The following TTC3 variants were observed in gnomAD, a reference collection of about 807,000 sequenced individuals.
The protein encoded by TTC3 is tetratricopeptide repeat domain 3, also known as E3 ubiquitin-protein ligase TTC3.
Under a neutral mutation model 249.6 loss-of-function variants are expected in TTC3, and 180 were observed. The observed-to-expected ratio is 0.72, with a 90% CI of 0.64 to 0.82. The LOEUF (loss-of-function observed/expected upper bound fraction) is 0.82. TTC3 is among the 40% of genes least tolerant of loss of function. The pLI is 0.00. For synonymous variants in TTC3, 717 were observed against 805.0 expected (o/e 0.89, Z 1.85); for missense variants, 2,061 against 2,398.4 (o/e 0.86, Z 2.94).
chr21:37,181,765 A>T (rs544807462), intron 35 of TTC3, among the ~76,000 whole-genome samples: 1 of 152,144 alleles, frequency 6.6e-6, no homozygotes, highest in Non-Finnish European at 1.5e-5. Flanking sequence ...GTGGTCTCTT[A>T]AGTTGATAGA....
chr21:37,130,478 A>G (rs999998844), intron 16 of TTC3, among the ~76,000 whole-genome samples: 1 of 152,134 alleles, frequency 6.6e-6, no homozygotes, highest in African/African-American at 2.4e-5. Context: ...ATATGGGACT[A>G]TTTCTTCATT....
intron 10 of TTC3, among the ~76,000 whole-genome samples, chr21:37,104,355 C>G (rs1161135474): frequency 6.6e-6 from 1 of 151,894 alleles, no homozygotes; most frequent in African/African-American, 2.4e-5. Context: ...TTTGGGAGGC[C>G]GAGGTGGGAG....
At chr21:37,202,331 A>T (rs1046990896) in exon 46 of TTC3, 1 of 152,248 alleles carries the variant, frequency 6.6e-6, no homozygotes. Context: ...TGTGTCCGTC[A>T]TCCCAGCCCC....
intron 11 of TTC3, among the ~76,000 whole-genome samples, chr21:37,110,525 C>G (rs1258858123): frequency 6.6e-6 from 1 of 152,060 alleles, no homozygotes; most frequent in Non-Finnish European, 1.5e-5. Context: ...TAAAAAGAAA[C>G]AAACAAAGCC....
At chr21:37,153,790 C>T (rs1053836765) in intron 27 of TTC3, among the ~76,000 whole-genome samples, 1 of 152,112 alleles carries the variant, frequency 6.6e-6, no homozygotes, top group Non-Finnish European at 1.5e-5. Flanking sequence ...GTTGAGAAGA[C>T]AAATCTATAA....
intron 34 of TTC3, among the ~76,000 whole-genome samples, chr21:37,170,031 A>C (rs114187918): frequency 6.6e-6 from 1 of 152,178 alleles, no homozygotes; most frequent in South Asian, 2.1e-4. Context: ...AAATGGACCT[A>C]TAAAAGTATC....
chr21:37,176,135 CCCTAA>C (rs1333246860), intron 35 of TTC3, among the ~76,000 whole-genome samples: 1 of 152,132 alleles, frequency 6.6e-6, no homozygotes, highest in Non-Finnish European at 1.5e-5. Context: ...TTTTATTGTA[CCCTAA>C]CCTATGACTG....
At chr21:37,141,412 T>TCC (rs144048156) in intron 20 of TTC3, among the ~76,000 whole-genome samples, 47,535 of 150,448 alleles carry the variant, frequency 0.32, 7,815 homozygotes, top group East Asian at 0.5. Context: ...TTTTGGGGAA[T>TCC]CCCCCCCCCA....
chr21:37,106,811 C>T (rs960366007), intron 10 of TTC3, among the ~76,000 whole-genome samples: 10 of 152,094 alleles, frequency 6.6e-5, no homozygotes, highest in Non-Finnish European at 7.4e-5. Context: ...GTGGGAGGAG[C>T]GCTTGAGCCT....
intron 28 of TTC3, chr21:37,159,482 G>T (rs1285138687): frequency 1.1e-5 from 6 of 549,778 alleles, no homozygotes; most frequent in Admixed American, 3.4e-5. Flanking sequence ...TCAACATTAT[G>T]CTGAATCAGA....
chr21:37,098,223 A>C (rs569957414), intron 10 of TTC3: 1 of 285,712 alleles, frequency 3.5e-6, no homozygotes, highest in Middle Eastern at 6.9e-4. Flanking sequence ...GTGAATTTGT[A>C]TGCTTTCAAG....
In TTC3 at chr21:37,090,240, C is replaced by A. The variant is rs767847774; in HGVS notation, c.434C>A (p.Ser145Ter). 1.9e-6 allele frequency: 3 copies of A among 1,599,050 alleles called. No homozygotes were observed. Among genetic ancestry groups the A allele is most frequent in the South Asian group, 1.1e-5 (1 of 87,924 alleles). Residue 145 changes from serine (S) to a stop codon, truncating the protein, a stop_gained, in exon 6 of 46, where the codon TCA becomes TAA. Coordinates refer to ENST00000355666, the Ensembl canonical transcript of TTC3. LOFTEE classifies it high-confidence loss of function. The stretch of plus-strand genomic sequence containing the variant: ...CCTTTTTTTATTTTTCAGAATGATT[C>A]ATTCCTTATTGGAGGCTTATTGAGA...
At chr21:37,088,419 T>A in intron 4 of TTC3, 73 bp downstream of exon 4, 1 of 1,521,382 alleles carries the variant, frequency 6.6e-7, no homozygotes, top group Non-Finnish European at 8.9e-7. Flanking sequence ...AAATGCAAGT[T>A]CAATGGAAGG....
intron 35 of TTC3, among the ~76,000 whole-genome samples, chr21:37,178,021 A>G (rs1184338690): frequency 6.6e-6 from 1 of 152,156 alleles, no homozygotes; most frequent in Non-Finnish European, 1.5e-5. Context: ...TTTACTCTCT[A>G]GATTTATCTA....
chr21:37,180,784 GA>G lies in TTC3; in HGVS notation c.4618-1980del, dbSNP rs944127998. Among the ~76,000 whole-genome samples, 101 of 123,970 alleles carry G rather than the reference GA, an allele frequency of 8.1e-4. 1 individual carries two copies. Among genetic ancestry groups the G allele is most frequent in the Middle Eastern group, 4.6e-3 (1 of 216 alleles). The allele number at this position is 123,970 out of a possible 152,430, so 81.3% of individuals were successfully genotyped here. A position where few individuals can be genotyped will look rare whatever the true frequency, so the allele number is the denominator to read the frequency against. The stretch of plus-strand genomic sequence containing the variant: ...ATAAAAAAAAATGGCTTTATAAGGA[GA>G]AAAAAAAAAGAATGTTTTAATTTCA... On this transcript the variant is annotated intron_variant, in intron 35 of 45. Transcript: ENST00000355666.
intron 1 of TTC3, among the ~76,000 whole-genome samples, chr21:37,076,035 A>G (rs550747593): frequency 6.6e-6 from 1 of 152,342 alleles, no homozygotes; most frequent in South Asian, 2.1e-4. Flanking sequence ...AATAATCAAA[A>G]TGACCAGTAT....
At chr21:37,141,579 C>T (rs1420463629) in intron 20 of TTC3, among the ~76,000 whole-genome samples, 1 of 151,996 alleles carries the variant, frequency 6.6e-6, no homozygotes, top group Non-Finnish European at 1.5e-5. Context: ...ACCAGCCTGA[C>T]CAATATGTTG....
At chr21:37,120,983 C>G (rs573532833) in intron 11 of TTC3, among the ~76,000 whole-genome samples, 19 of 152,248 alleles carry the variant, frequency 1.2e-4, no homozygotes, top group Admixed American at 9.2e-4. Flanking sequence ...TAGCCTCTAG[C>G]CTCTTTCACT....
Position 37,121,998 on chromosome 21 carries a change from T to A in TTC3, c.1063+19T>A, listed in dbSNP as rs530278398. The stretch of plus-strand genomic sequence containing the variant: ...CTACAAGGTATTTCACCTAAGATTC[T>A]TTTGGTTACAGTCTTAATTCCCTTT... On this transcript the variant is annotated intron_variant, in intron 12 of 45. Transcript: ENST00000355666. 5.7e-6 allele frequency: 9 copies of A among 1,592,868 alleles called. No homozygotes were observed. The South Asian group carries it at 8.1e-5, about 14-fold the overall frequency.
Sources: gnomAD v4.1 joint callset for allele counts (sites outside exome capture counted in the v4.1 genomes callset) on GRCh38, gnomAD v4.1.1 for gene constraint, MANE v1.5 for transcripts, NCBI Gene and HGNC (gene_info 2026-07-23, HGNC 2026-07-21) for gene names.